GPM6B: variants seen among roughly 807,000 people sequenced by gnomAD.
The protein encoded by GPM6B is neuronal membrane glycoprotein M6-b.
GPM6B carries 4 observed loss-of-function variants against 27.2 expected under a neutral mutation model. The ratio of observed to expected loss-of-function variants is 0.15; its 90% CI spans 0.07 to 0.34. The LOEUF is 0.34. GPM6B is among the 10% of genes least tolerant of loss of function. The pLI is 1.00. For missense variants in GPM6B, 183 were observed against 261.9 expected, an observed-to-expected ratio of 0.70 and a Z score of 2.08; for synonymous variants, 124 against 103.1, an observed-to-expected ratio of 1.20 and a Z score of -1.23.
intron 1 of GPM6B, among the ~76,000 whole-genome samples, chrX:13,875,328 G>A (rs1298955397): frequency 1.8e-5 from 2 of 111,543 alleles, no homozygotes; most frequent in African/African-American, 6.5e-5. Flanking sequence ...GGACTAGTAA[G>A]GATGCATGAA....
chrX:13,784,403 G>C (rs1046870678), intron 3 of GPM6B, among the ~76,000 whole-genome samples: 1 of 111,886 alleles, frequency 8.9e-6, no homozygotes, highest in African/African-American at 3.3e-5. Context: ...TGTCCTGCTT[G>C]AGCCCTCCTT....
At chrX:13,819,198 G>T (rs16999072), upstream of GPM6B, among the ~76,000 whole-genome samples, 6,466 of 111,998 alleles carry the variant, frequency 0.058, 229 homozygotes, top group African/African-American at 0.13. Context: ...ACTTTTGCCT[G>T]ATTCACAACT....
At chrX:13,825,078 G>A (rs1157358849) in intron 1 of GPM6B, among the ~76,000 whole-genome samples, 2 of 111,678 alleles carry the variant, frequency 1.8e-5, no homozygotes, top group Non-Finnish European at 3.8e-5. Flanking sequence ...AGTCACATTG[G>A]ACTGGGGCCT....
chrX:13,857,919 G>A (rs953042485), intron 1 of GPM6B, among the ~76,000 whole-genome samples: 4 of 112,428 alleles, frequency 3.6e-5, no homozygotes, highest in Admixed American at 9.4e-5. Context: ...ATAAGGATTA[G>A]TTCATGATTT....
In GPM6B at chrX:13,859,174, C is replaced by G. The variant is rs180746400; in HGVS notation, c.-197-73366G>C. On this transcript the variant is annotated intron_variant, in intron 1 of 6. Coordinates refer to the GPM6B transcript ENST00000398361. ...TAGTAATCATATGCAGTTTTGTAAT[C>G]ACCACAATCAACATACAGAACAGTT... Among the ~76,000 whole-genome samples the G allele has an allele frequency of 3.6e-3, 404 of 112,159 alleles. 3 individuals are homozygous for G. Among genetic ancestry groups the G allele is most frequent in the African/African-American group, 0.012 (382 of 30,922 alleles).
chrX:13,875,166 T>C (rs1436047847), intron 1 of GPM6B, among the ~76,000 whole-genome samples: 1 of 111,278 alleles, frequency 9.0e-6, no homozygotes, highest in African/African-American at 3.3e-5. Context: ...AGAGAACGAG[T>C]ATCCATCTCC....
chrX:13,812,195 A>G lies in GPM6B; in HGVS notation c.62-4426T>C, dbSNP rs1485659414. Among the ~76,000 whole-genome samples, 8 of 108,162 alleles carry G rather than the reference A, an allele frequency of 7.4e-5. No homozygotes were observed. In the East Asian group the frequency reaches 2.0e-3, roughly 27 times the overall value. The allele number at this position is 108,162 out of a possible 115,157, so 93.9% of individuals were successfully genotyped here. ...CTCCTGAGTAGCTGGGATTACAGGC[A>G]CACACCACCACGCCCGGCTAATTTT... On this transcript the variant is annotated intron_variant, in intron 1 of 7. Transcript: ENST00000316715.
chrX:13,801,744 AG>A (rs1428263404), intron 2 of GPM6B, among the ~76,000 whole-genome samples: 2 of 111,661 alleles, frequency 1.8e-5, no homozygotes, highest in Non-Finnish European at 3.8e-5. Flanking sequence ...CTCAAGACAC[AG>A]GAAGTCTTGT....
chrX:13,857,591 T>C (rs923333515), intron 1 of GPM6B, among the ~76,000 whole-genome samples: 4 of 112,334 alleles, frequency 3.6e-5, no homozygotes, highest in Admixed American at 9.4e-5. Flanking sequence ...GGCAGACTAA[T>C]GCCCTCCCAC....
chrX:13,848,826 AT>A lies in GPM6B; in HGVS notation c.-197-63019del, dbSNP rs762912706. On this transcript the variant is annotated intron_variant, in intron 1 of 6. Transcript: ENST00000398361. Reference sequence around the variant, plus strand: ...AATCTAAGCATCCATCAACTGGTACATGGATAAACAAAATATGGTCAATCCA... The same window carrying A: ...AATCTAAGCATCCATCAACTGGTACAGGATAAACAAAATATGGTCAATCCA... Among the ~76,000 whole-genome samples, 59 of 112,716 alleles carry A rather than the reference AT, an allele frequency of 5.2e-4. No individual in the cohort carries two copies. The South Asian group carries it at 6.6e-3, about 13-fold the overall frequency.
intron 1 of GPM6B, among the ~76,000 whole-genome samples, chrX:13,888,522 C>T (rs1418953521): frequency 8.9e-6 from 1 of 111,794 alleles, no homozygotes; most frequent in African/African-American, 3.2e-5. Flanking sequence ...CCGCATTATG[C>T]CCAGGCTCTC....
intron 1 of GPM6B, among the ~76,000 whole-genome samples, chrX:13,904,250 G>C (rs1378777710): frequency 8.9e-6 from 1 of 111,891 alleles, no homozygotes; most frequent in Non-Finnish European, 1.9e-5. Flanking sequence ...TTCCAAAGTA[G>C]TGATGAGTTT....
Position 13,935,335 on chromosome X carries a change from CA to C in GPM6B, c.-198+2991del, listed in dbSNP as rs60400361. Among the ~76,000 whole-genome samples, 291 of 42,679 alleles carry C rather than the reference CA, an allele frequency of 6.8e-3. 1 individual carries two copies. The highest frequency in any genetic ancestry group is 0.02 in the African/African-American group (225 of 11,497). The allele number at this position is 42,679 out of a possible 115,157, so 37.1% of individuals were successfully genotyped here. A position where few individuals can be genotyped will look rare whatever the true frequency, so the allele number is the denominator to read the frequency against. ...GCACCATAGAAATACCCTATCTCTA[CA>C]AAAAAAAAAAAAAAAAAAAAACTGT... On this transcript the variant is annotated intron_variant, in intron 1 of 6. Transcript: ENST00000398361.
chrX:13,849,813 A>C (rs1363490482), intron 1 of GPM6B, among the ~76,000 whole-genome samples: 1 of 109,781 alleles, frequency 9.1e-6, no homozygotes, highest in Non-Finnish European at 1.9e-5. Flanking sequence ...TAATCTCAGC[A>C]TTTTGGGAGG....
intron 1 of GPM6B, among the ~76,000 whole-genome samples, chrX:13,923,624 A>G (rs765809730): frequency 8.9e-6 from 1 of 112,555 alleles, no homozygotes; most frequent in East Asian, 2.8e-4. Flanking sequence ...TCTTGAATTG[A>G]CCAAGGAAAT....
At chrX:13,858,075 G>A (rs2049802009) in intron 1 of GPM6B, among the ~76,000 whole-genome samples, 1 of 112,381 alleles carries the variant, frequency 8.9e-6, no homozygotes, top group South Asian at 3.7e-4. Flanking sequence ...AGGCAAGGAG[G>A]AGCACTGTTT....
chrX:13,928,804 C>G (rs1921334728), intron 1 of GPM6B, among the ~76,000 whole-genome samples: 1 of 112,112 alleles, frequency 8.9e-6, no homozygotes, highest in African/African-American at 3.2e-5. Context: ...ACCCTCGCTT[C>G]CAATGTTCTT....
intron 2 of GPM6B, among the ~76,000 whole-genome samples, chrX:13,807,055 C>T (rs1203730331): frequency 3.6e-5 from 4 of 112,134 alleles, no homozygotes; most frequent in African/African-American, 9.7e-5. Context: ...TTCTGAATGG[C>T]CAATGTTCCT....
At position 13,901,180 on chromosome X, in the gene GPM6B, C is replaced by T. The variant is rs757471302; in HGVS notation, c.-198+37147G>A. Among the ~76,000 whole-genome samples, 11 of 111,802 alleles carry T rather than the reference C, an allele frequency of 9.8e-5. No individual in the cohort carries two copies. In the East Asian group the frequency reaches 2.5e-3, roughly 26 times the overall value. ...TTCTCTTTCTAAGAGGTAAGGAGCA[C>T]TGAATTGGAAACATCCACTACTGCC... On this transcript the variant is annotated intron_variant, in intron 1 of 6. Coordinates refer to the GPM6B transcript ENST00000398361.
Sources: gnomAD v4.1 joint callset for allele counts (sites outside exome capture counted in the v4.1 genomes callset) on GRCh38, gnomAD v4.1.1 for gene constraint, MANE v1.5 for transcripts, NCBI Gene and HGNC (gene_info 2026-07-23, HGNC 2026-07-21) for gene names.